PCDH15: variants seen among roughly 807,000 people sequenced by gnomAD.
The protein encoded by PCDH15 is protocadherin-15.
In PCDH15, 129 loss-of-function variants were observed where a neutral mutation model predicts 178.5. The ratio of observed to expected loss-of-function variants is 0.72; its 90% CI spans 0.63 to 0.84. The LOEUF (loss-of-function observed/expected upper bound fraction) is 0.84, where lower values mean the gene tolerates loss of function less well. Ranked by LOEUF, PCDH15 falls within the 40% of genes least tolerant of loss-of-function variation. The pLI, the probability that PCDH15 is intolerant of heterozygous loss-of-function variation, is 0.00. For missense variants in PCDH15, 2,230 were observed against 2,099.9 expected, an observed-to-expected ratio of 1.06 and a Z score of -1.21; for synonymous variants, 800 against 732.0, an observed-to-expected ratio of 1.09 and a Z score of -1.50.
At chr10:53,922,748 C>T (rs1180521419) in intron 25 of PCDH15, among the ~76,000 whole-genome samples, 1 of 152,032 alleles carries the variant, frequency 6.6e-6, no homozygotes, top group African/African-American at 2.4e-5. Flanking sequence ...AAAACTGAAC[C>T]ACTAAACTGG....
chr10:55,130,219 G>A (rs1268803560), intron 2 of PCDH15, among the ~76,000 whole-genome samples: 1 of 152,102 alleles, frequency 6.6e-6, no homozygotes, highest in Non-Finnish European at 1.5e-5. Context: ...GATAGAAGGA[G>A]TGTTGCTTTA....
intron 6 of PCDH15, among the ~76,000 whole-genome samples, chr10:54,343,338 ACT>A (rs371697032): frequency 6.8e-6 from 1 of 146,614 alleles, no homozygotes; most frequent in African/African-American, 2.5e-5. Context: ...TTCCCCCTTC[ACT>A]CTCTCTCTCC....
intron 2 of PCDH15, among the ~76,000 whole-genome samples, chr10:55,131,240 G>C (rs1205427394): frequency 2.0e-5 from 3 of 151,968 alleles, no homozygotes; most frequent in Non-Finnish European, 4.4e-5. Flanking sequence ...CCTTTTCACT[G>C]TCTCCATAGT....
Position 54,442,414 on chromosome 10 carries a change from C to CTTTTTATATATA in PCDH15, c.158-63473_158-63472insTATATATAAAAA, listed in dbSNP as rs1491511066. ...TTAAAAAAAAAAAAGGCCTTAAAGG[C>CTTTTTATATATA]TATATATATATATATATATATATAT... On this transcript the variant is annotated intron_variant, in intron 3 of 37. Transcript: ENST00000644397. Among the ~76,000 whole-genome samples, 41 of 19,188 alleles carry CTTTTTATATATA rather than the reference C, an allele frequency of 2.1e-3. 3 individuals carry two copies. Among genetic ancestry groups the CTTTTTATATATA allele is most frequent in the African/African-American group, 8.1e-3 (40 of 4,924 alleles). 12.6% of individuals were successfully genotyped at this position (19,188 alleles called of 152,430 possible).
intron 1 of PCDH15, among the ~76,000 whole-genome samples, chr10:54,766,996 G>A (rs868474111): frequency 6.6e-6 from 1 of 151,484 alleles, no homozygotes; most frequent in South Asian, 2.1e-4. Flanking sequence ...TCTTCCCACT[G>A]AATACACAAT....
chr10:55,408,464 A>C (rs1838256870), intron 2 of PCDH15, among the ~76,000 whole-genome samples: 1 of 152,106 alleles, frequency 6.6e-6, no homozygotes, highest in Admixed American at 6.6e-5. Context: ...AATTACAGGC[A>C]TGAGGCACCT....
intron 6 of PCDH15, among the ~76,000 whole-genome samples, chr10:54,338,435 A>AACT (rs974973619): frequency 7.2e-5 from 11 of 152,148 alleles, no homozygotes; most frequent in African/African-American, 2.4e-4. Flanking sequence ...ACACACACAG[A>AACT]ACTACTTCAG....
chr10:54,619,055 A>G (rs1022430387), intron 2 of PCDH15: 3 of 152,068 alleles, frequency 2.0e-5, no homozygotes, highest in Non-Finnish European at 4.4e-5. Context: ...TCCCTTTTGC[A>G]TAGAGAAAGG....
chr10:55,149,288 C>T (rs1031631787), intron 2 of PCDH15, among the ~76,000 whole-genome samples: 3 of 151,624 alleles, frequency 2.0e-5, no homozygotes, highest in Non-Finnish European at 4.4e-5. Context: ...AATATTCTAG[C>T]ACTTATTTAA....
chr10:54,911,609 T>C (rs1352790836), intron 2 of PCDH15, among the ~76,000 whole-genome samples: 1 of 152,178 alleles, frequency 6.6e-6, no homozygotes, highest in East Asian at 1.9e-4. Flanking sequence ...TGATTTGGCT[T>C]TGAGTCCCTA....
intron 2 of PCDH15, among the ~76,000 whole-genome samples, chr10:55,500,058 A>G (rs1840621223): frequency 6.6e-6 from 1 of 151,772 alleles, no homozygotes; most frequent in African/African-American, 2.4e-5. Flanking sequence ...AGTCATATGA[A>G]ATTATGAATT....
intron 2 of PCDH15, among the ~76,000 whole-genome samples, chr10:54,655,256 A>AAGAGAGAGAGAG (rs1173377441): frequency 0.017 from 812 of 48,598 alleles, 45 homozygotes; most frequent in Middle Eastern, 0.033. Flanking sequence ...GAAAGAAAGA[A>AAGAGAGAGAGAG]AGAGAGAGAG....
intron 29 of PCDH15, among the ~76,000 whole-genome samples, chr10:53,837,539 A>C (rs976368844): frequency 2.0e-5 from 3 of 152,156 alleles, no homozygotes; most frequent in Non-Finnish European, 2.9e-5. Flanking sequence ...TATTATTATG[A>C]TGATTTCTAA....
At chr10:55,423,846 C>A (rs1838683932) in intron 2 of PCDH15, among the ~76,000 whole-genome samples, 2 of 152,014 alleles carry the variant, frequency 1.3e-5, no homozygotes, top group Non-Finnish European at 2.9e-5. Flanking sequence ...GTCATAAGGA[C>A]AAAATTATCT....
chr10:53,959,402 T>C (rs920013666), intron 23 of PCDH15, among the ~76,000 whole-genome samples: 29 of 151,898 alleles, frequency 1.9e-4, no homozygotes, highest in African/African-American at 5.8e-4. Context: ...ATGTTCCACC[T>C]GGCAATAATG....
Position 54,305,779 on chromosome 10 carries a change from TA to T in PCDH15, c.876+11491del, listed in dbSNP as rs554428202. On this transcript the variant is annotated intron_variant, in intron 8 of 37. Coordinates refer to ENST00000644397, the MANE Select transcript of PCDH15 (RefSeq NM_001384140.1). ...AAGGAGGCATATATGAGGGAAAATC[TA>T]AATAACTAAAGGAGCCAGCCATAGG... 2.1e-4 allele frequency among the ~76,000 whole-genome samples: 32 copies of T among 151,750 alleles called. 1 individual carries two copies. The South Asian group carries it at 6.4e-3, about 30-fold the overall frequency.
At chr10:53,981,475 A>G (rs894085248) in intron 21 of PCDH15, among the ~76,000 whole-genome samples, 15 of 152,228 alleles carry the variant, frequency 9.9e-5, no homozygotes, top group African/African-American at 3.4e-4. Context: ...ACAGAGATAT[A>G]GATCAATGGA....
chr10:54,153,980 G>A (rs1019732202), intron 13 of PCDH15, among the ~76,000 whole-genome samples: 1 of 152,030 alleles, frequency 6.6e-6, no homozygotes, highest in African/African-American at 2.4e-5. Flanking sequence ...AAATCTATTC[G>A]GAGCCCTTGA....
chr10:54,432,869 C>T (rs375511921), intron 3 of PCDH15, among the ~76,000 whole-genome samples: 2 of 152,068 alleles, frequency 1.3e-5, no homozygotes. Context: ...CAAGCTCAAA[C>T]AACTATATAG....
Sources: allele counts gnomAD v4.1 joint callset (sites outside exome capture counted in the v4.1 genomes callset), GRCh38; gene constraint gnomAD v4.1.1; transcripts MANE v1.5; gene names NCBI Gene and HGNC (gene_info 2026-07-23, HGNC 2026-07-21).